Variants in KYNU observed in about 807,000 individuals in gnomAD.
KYNU encodes the protein kynureninase, also known as L-kynurenine hydrolase.
Under a neutral mutation model 59.2 loss-of-function variants are expected in KYNU, and 54 were observed. The observed-to-expected ratio is 0.91, with a 90% CI of 0.73 to 1.14. The LOEUF (loss-of-function observed/expected upper bound fraction) is 1.14. KYNU is among the 50% of genes most tolerant of loss of function. KYNU has a pLI of 0.00. For missense variants in KYNU, 567 were observed against 554.4 expected, an observed-to-expected ratio of 1.02 and a Z score of -0.23; for synonymous variants, 177 against 192.0, an observed-to-expected ratio of 0.92 and a Z score of 0.65.
At position 143,040,418 on chromosome 2, in the gene KYNU, C is replaced by T. The variant is rs369201946; in HGVS notation, c.1042-10C>T. 3 of 1,596,792 alleles carry T rather than the reference C, an allele frequency of 1.9e-6. No homozygotes were observed. In the African/African-American group the frequency reaches 4.0e-5, roughly 21 times the overall value. On this transcript the variant is annotated splice_polypyrimidine_tract_variant and intron_variant, in intron 12 of 13. Transcript: ENST00000264170. ...AAGACACTTTAATCTGATTGTTTCT[C>T]ATTCCACAGATCTTTAAGCAAGCGA...
intron 8 of KYNU, among the ~76,000 whole-genome samples, chr2:142,961,706 C>T (rs763294974): frequency 5.9e-5 from 9 of 151,642 alleles, no homozygotes; most frequent in Non-Finnish European, 1.3e-4. Flanking sequence ...AGTCATGTCT[C>T]TTTGTATGTA....
intron 4 of KYNU, among the ~76,000 whole-genome samples, chr2:142,949,910 G>A (rs1033858124): frequency 6.6e-6 from 1 of 152,130 alleles, no homozygotes; most frequent in Non-Finnish European, 1.5e-5. Context: ...CAAATGGAAT[G>A]CCTTTAACAG....
intron 3 of KYNU, among the ~76,000 whole-genome samples, chr2:142,926,537 G>C (rs770592919): frequency 1.3e-5 from 2 of 152,234 alleles, no homozygotes; most frequent in African/African-American, 4.8e-5. Flanking sequence ...AAGTGACAGG[G>C]AAGTTTTATG....
chr2:142,896,280 C>T (rs547236624), intron 2 of KYNU, among the ~76,000 whole-genome samples: 1 of 152,284 alleles, frequency 6.6e-6, no homozygotes, highest in African/African-American at 2.4e-5. Flanking sequence ...TGTTGTTCCC[C>T]ATATTCACCC....
Position 143,040,483 on chromosome 2 carries a change from G to T in KYNU, c.1097G>T (p.Gly366Val). 2 of 1,613,208 alleles carry T rather than the reference G, an allele frequency of 1.2e-6. No individual in the cohort carries two copies. Among genetic ancestry groups the T allele is most frequent in the Non-Finnish European group, 1.7e-6 (2 of 1,179,504 alleles). ...CGGAAAAAATCTGTTTTGCTAACTG[G>T]CTATCTGGAATACCTGATCAAGCAT... is the stretch of plus-strand genomic sequence containing the variant. The part of the protein sequence containing the change: ...ALRKKSVLLT[G>V]YLEYLIKHNY... The change falls in exon 13 of 14, where the codon GGC becomes GTC. Residue 366 changes from glycine (G) to valine (V), a missense_variant. Gly to Val is a moderately radical substitution (Grantham distance 109). Transcript: ENST00000264170.
intron 10 of KYNU, among the ~76,000 whole-genome samples, chr2:143,028,816 CCA>C (rs1686654407): frequency 6.6e-6 from 1 of 151,716 alleles, no homozygotes; most frequent in Non-Finnish European, 1.5e-5. Context: ...CCATTGCACT[CCA>C]GCCTGGGCAA....
Position 142,954,862 on chromosome 2 carries a change from T to A in KYNU, c.426T>A (p.His142Gln). The change falls in exon 5 of 14, where the codon CAT becomes CAA. Residue 142 changes from histidine (H) to glutamine (Q), a missense_variant. His to Gln is a conservative substitution (Grantham distance 24, BLOSUM62 0). Transcript: ENST00000264170. ...ALMNALTVNLHLLMLSFFKPT... is the reference protein window; with the variant it reads ...ALMNALTVNLQLLMLSFFKPT... Reference sequence around the variant, plus strand: ...TGAATGCTTTGACTGTAAATTTACATCTTCTAATGGTAAGTTTTCTTTCCC... The same window carrying A: ...TGAATGCTTTGACTGTAAATTTACAACTTCTAATGGTAAGTTTTCTTTCCC... 1.9e-6 allele frequency: 3 copies of A among 1,588,838 alleles called. No homozygotes were observed. Among genetic ancestry groups the A allele is most frequent in the Non-Finnish European group, 8.6e-7 (1 of 1,157,480 alleles).
At position 143,032,711 on chromosome 2, in the gene KYNU, T is replaced by TTG. The variant is rs61062901; in HGVS notation, c.956-495_956-494dup. Among the ~76,000 whole-genome samples the TTG allele has an allele frequency of 1.5e-3, 193 of 129,452 alleles. 1 individual carries two copies. The highest frequency in any genetic ancestry group is 5.0e-3 in the African/African-American group (173 of 34,492). 84.9% of individuals were successfully genotyped at this position (129,452 alleles called of 152,430 possible). On this transcript the variant is annotated intron_variant, in intron 11 of 13. Coordinates refer to ENST00000264170, the MANE Select transcript of KYNU (RefSeq NM_003937.3). Reference sequence around the variant, plus strand: ...GATCTTTTTTTTAAAGCTCCCTCTATTGTGTGTGTGTGTGTGTGTGTGTGT... The same window carrying TTG: ...GATCTTTTTTTTAAAGCTCCCTCTATTGTGTGTGTGTGTGTGTGTGTGTGTGT...
intron 10 of KYNU, among the ~76,000 whole-genome samples, chr2:142,993,647 C>G (rs1341613817): frequency 6.6e-6 from 1 of 151,918 alleles, no homozygotes; most frequent in Non-Finnish European, 1.5e-5. Flanking sequence ...GTGTGAAATT[C>G]TCCAGATAAT....
intron 10 of KYNU, among the ~76,000 whole-genome samples, chr2:142,999,604 TA>T (rs1401229200): frequency 6.6e-6 from 1 of 152,190 alleles, no homozygotes; most frequent in African/African-American, 2.4e-5. Context: ...ATTGTTTTAC[TA>T]AATGTAATTA....
intron 2 of KYNU, among the ~76,000 whole-genome samples, chr2:142,893,540 G>T (rs1156958842): frequency 1.3e-5 from 2 of 152,094 alleles, no homozygotes; most frequent in Non-Finnish European, 2.9e-5. Context: ...AGATTTTTAG[G>T]CTTCTTTTCC....
In KYNU at chr2:143,053,418, T is replaced by C. The variant is rs1687300834; in HGVS notation, c.*11246T>C. ...ATGAGTTAAGACTTTGGGTGACTGTTGCGAAGACATGATTGGTTTTGAAAT... is the reference window on the plus strand; with the variant it reads ...ATGAGTTAAGACTTTGGGTGACTGTCGCGAAGACATGATTGGTTTTGAAAT... On this transcript the variant is annotated 3_prime_UTR_variant, in exon 14 of 14. Coordinates refer to ENST00000264170, the MANE Select transcript of KYNU (RefSeq NM_003937.3). The C allele has an allele frequency of 6.6e-6, 1 of 152,192 alleles. No homozygotes were observed. Among genetic ancestry groups the C allele is most frequent in the Non-Finnish European group, 1.5e-5 (1 of 68,036 alleles). The allele number at this position is 152,192 out of a possible 1,614,324, so 9.4% of individuals were successfully genotyped here. A position where few individuals can be genotyped will look rare whatever the true frequency, so the allele number is the denominator to read the frequency against.
At chr2:142,893,851 G>A (rs1175393460) in intron 2 of KYNU, among the ~76,000 whole-genome samples, 1 of 152,062 alleles carries the variant, frequency 6.6e-6, no homozygotes, top group Non-Finnish European at 1.5e-5. Context: ...AATGTCTAAG[G>A]TCAACATTAG....
At position 142,976,525 on chromosome 2, in the gene KYNU, G is replaced by T. The variant is rs573070696; in HGVS notation, c.730-8559G>T. Among the ~76,000 whole-genome samples, 6 of 152,238 alleles carry T rather than the reference G, an allele frequency of 3.9e-5. No individual in the cohort carries two copies. The South Asian group carries it at 1.2e-3, about 32-fold the overall frequency. The stretch of plus-strand genomic sequence containing the variant: ...ACGGGGTTTTTCCAAGTTATTTGTT[G>T]TGTAAAGGTTTTTTGTAATGATCGC... On this transcript the variant is annotated intron_variant, in intron 8 of 13. Coordinates refer to ENST00000264170, the MANE Select transcript of KYNU (RefSeq NM_003937.3).
rs552883515 is a variant in KYNU at position 142,984,879 on chromosome 2, C to G, written c.730-205C>G. The stretch of plus-strand genomic sequence containing the variant: ...ATTCAGCAAAAAAGGCAAAGAATGT[C>G]TTAGCATGATGACAATTGCTTTGAT... On this transcript the variant is annotated intron_variant, in intron 8 of 13. Transcript: ENST00000264170. 2.0e-4 allele frequency among the ~76,000 whole-genome samples: 30 copies of G among 152,100 alleles called. No homozygotes were observed. In the South Asian group the frequency reaches 2.9e-3, roughly 15 times the overall value.
At chr2:142,930,772 G>A (rs751395169) in intron 4 of KYNU, among the ~76,000 whole-genome samples, 3 of 152,160 alleles carry the variant, frequency 2.0e-5, no homozygotes, top group African/African-American at 4.8e-5. Context: ...ACTCACATTG[G>A]AGATTAGGGC....
intron 10 of KYNU, among the ~76,000 whole-genome samples, chr2:142,998,268 A>G (rs1308711093): frequency 6.6e-6 from 1 of 152,196 alleles, no homozygotes. Flanking sequence ...TTATGAGCCC[A>G]TTGTGATAAT....
chr2:143,024,172 C>T (rs1264988120), intron 10 of KYNU, among the ~76,000 whole-genome samples: 1 of 151,758 alleles, frequency 6.6e-6, no homozygotes, highest in African/African-American at 2.4e-5. Context: ...ACTTTGTATT[C>T]TTAGATTTGA....
At chr2:143,011,468 C>A (rs1198279988) in intron 10 of KYNU, among the ~76,000 whole-genome samples, 3 of 130,254 alleles carry the variant, frequency 2.3e-5, no homozygotes, top group Non-Finnish European at 4.8e-5. Context: ...GTTGGTGGGA[C>A]TGTAAACTAG....
Sources: allele counts gnomAD v4.1 joint callset (sites outside exome capture counted in the v4.1 genomes callset), GRCh38; gene constraint gnomAD v4.1.1; transcripts MANE v1.5; gene names NCBI Gene and HGNC (gene_info 2026-07-23, HGNC 2026-07-21).